TMPRSS2: variants seen among roughly 807,000 people sequenced by gnomAD.
TMPRSS2 encodes transmembrane serine protease 2.
A neutral mutation model predicts 67.4 loss-of-function variants in TMPRSS2; 59 were observed. The observed-to-expected ratio is 0.88, with a 90% CI of 0.71 to 1.09. TMPRSS2 has a LOEUF of 1.09. TMPRSS2 is among the 50% of genes least tolerant of loss of function. The probability of loss-of-function intolerance (pLI) is 0.00; values close to 1 mark genes in which losing one functional copy is unlikely to be tolerated. For synonymous variants in TMPRSS2, 257 were observed against 257.0 expected (o/e 1.00, Z 0.00); for missense variants, 668 against 642.7 (o/e 1.04, Z -0.43).
chr21:41,469,706 G>T (rs2146423327), intron 11 of TMPRSS2, among the ~76,000 whole-genome samples: 1 of 152,178 alleles, frequency 6.6e-6, no homozygotes, highest in South Asian at 2.1e-4. Flanking sequence ...TCGCTCAGTT[G>T]TTTGTCTCCC....
chr21:41,466,272 C>G, intron 13 of TMPRSS2, 119 bp from the exon 14 acceptor site: 1 of 925,908 alleles, frequency 1.1e-6, no homozygotes, highest in Non-Finnish European at 1.7e-6. Context: ...AGCTTAATAG[C>G]ACAAAGGGAT....
At chr21:41,483,334 A>G (rs2146457315) in intron 5 of TMPRSS2, among the ~76,000 whole-genome samples, 1 of 151,392 alleles carries the variant, frequency 6.6e-6, no homozygotes, top group Non-Finnish European at 1.5e-5. Context: ...CCCAGGCTGG[A>G]GTGCAATGGC....
At position 41,480,552 on chromosome 21, in the gene TMPRSS2, TC is replaced by T; in HGVS notation, c.495del (p.Lys166SerfsTer35). ...NFILQVYSSQ[R>X]KSWHPVCQDD... ...TCTTGGCACACAGGGTGCCAGGACT[TC>T]CTCTGAGATGAGTACACCTGAAGGA... On this transcript the variant is annotated frameshift_variant, in exon 6 of 14. Coordinates refer to ENST00000332149, the MANE Select transcript of TMPRSS2 (RefSeq NM_005656.4). LOFTEE classifies it high-confidence loss of function. The T allele has an allele frequency of 1.2e-6, 2 of 1,613,874 alleles. No homozygotes were observed. The highest frequency in any genetic ancestry group is 2.2e-5 in the South Asian group (2 of 91,090).
intron 10 of TMPRSS2, among the ~76,000 whole-genome samples, chr21:41,471,061 G>A (rs9305744): frequency 0.28 from 43,141 of 152,204 alleles, 6,716 homozygotes; most frequent in East Asian, 0.41. Flanking sequence ...CAGCCAAAAA[G>A]CCGATGGAGT....
rs948441082 is a variant in TMPRSS2 at position 41,494,221 on chromosome 21, T to C, written c.238+135A>G. The C allele has an allele frequency of 3.2e-6, 3 of 942,084 alleles. No homozygotes were observed. In the Admixed American group the frequency reaches 8.4e-5, roughly 26 times the overall value. The allele number at this position is 942,084 out of a possible 1,614,324, so 58.4% of individuals were successfully genotyped here. On this transcript the variant is annotated intron_variant, in intron 3 of 13. Coordinates refer to ENST00000332149, the MANE Select transcript of TMPRSS2 (RefSeq NM_005656.4). ...AGAGTGGAAAGGCATGAAGACAGGC[T>C]GGCTCCGGAAGACGGAGGAGAAGGG...
intron 5 of TMPRSS2, among the ~76,000 whole-genome samples, chr21:41,484,978 T>C (rs1375822329): frequency 6.6e-6 from 1 of 152,112 alleles, no homozygotes; most frequent in African/African-American, 2.4e-5. Context: ...GAAATACCTG[T>C]GCTTCTTTAT....
chr21:41,505,322 G>T (rs2091450301), intron 1 of TMPRSS2, among the ~76,000 whole-genome samples: 1 of 152,188 alleles, frequency 6.6e-6, no homozygotes, highest in Admixed American at 6.5e-5. Flanking sequence ...ATATTATTAC[G>T]AAGATCCCCT....
intron 11 of TMPRSS2, among the ~76,000 whole-genome samples, chr21:41,469,291 A>T (rs138064996): frequency 2.1e-5 from 3 of 142,404 alleles, no homozygotes; most frequent in African/African-American, 7.7e-5. Flanking sequence ...GTGTACCCTC[A>T]TCTCTTCACA....
At chr21:41,495,126 T>C (rs1392629460) in intron 2 of TMPRSS2, among the ~76,000 whole-genome samples, 2 of 151,900 alleles carry the variant, frequency 1.3e-5, no homozygotes, top group Non-Finnish European at 2.9e-5. Context: ...CCTAGGTGTC[T>C]ACAACTATGT....
At chr21:41,473,811 C>T (rs1034087952) in intron 8 of TMPRSS2, among the ~76,000 whole-genome samples, 3 of 149,562 alleles carry the variant, frequency 2.0e-5, no homozygotes, top group Non-Finnish European at 4.4e-5. Context: ...TGACACCACT[C>T]AGGGACCCCA....
At chr21:41,469,443 C>T (rs185416185) in intron 11 of TMPRSS2, among the ~76,000 whole-genome samples, 244 of 152,238 alleles carry the variant, frequency 1.6e-3, no homozygotes, top group Middle Eastern at 3.4e-3. Flanking sequence ...GGCTCACGAT[C>T]TCCCCACCTC....
intron 6 of TMPRSS2, among the ~76,000 whole-genome samples, chr21:41,480,130 G>T (rs2091245392): frequency 6.6e-6 from 1 of 152,164 alleles, no homozygotes; most frequent in Admixed American, 6.5e-5. Flanking sequence ...TCTACCCAGG[G>T]AGGTGAATGG....
intron 5 of TMPRSS2, among the ~76,000 whole-genome samples, chr21:41,482,073 A>C (rs2146455239): frequency 6.6e-6 from 1 of 152,264 alleles, no homozygotes; most frequent in Non-Finnish European, 1.5e-5. Flanking sequence ...TAAATAAATA[A>C]ATAAATAATA....
At position 41,480,207 on chromosome 21, in the gene TMPRSS2, T is replaced by C. The variant is rs139181746; in HGVS notation, c.572+269A>G. Among the ~76,000 whole-genome samples the C allele has an allele frequency of 3.3e-5, 5 of 152,220 alleles. No individual in the cohort carries two copies. In the South Asian group the frequency reaches 8.3e-4, roughly 25 times the overall value. On this transcript the variant is annotated intron_variant, in intron 6 of 13. Coordinates refer to ENST00000332149, the MANE Select transcript of TMPRSS2 (RefSeq NM_005656.4). ...CCCTCAGCCTACCCCTCTGACCAGA[T>C]GACCACAGCACTGGGCACTCCCGAG...
At chr21:41,491,191 T>C (rs2091333413) in intron 3 of TMPRSS2, among the ~76,000 whole-genome samples, 1 of 146,348 alleles carries the variant, frequency 6.8e-6, no homozygotes, top group Non-Finnish European at 1.5e-5. Flanking sequence ...AGGGTCTTGC[T>C]TGTTGCCCGG....
chr21:41,497,453 T>TAG (rs1569026485), intron 2 of TMPRSS2, among the ~76,000 whole-genome samples: 1 of 152,188 alleles, frequency 6.6e-6, no homozygotes, highest in Non-Finnish European at 1.5e-5. Flanking sequence ...TGCCATCCAC[T>TAG]AGCAAGCAGG....
intron 3 of TMPRSS2, 86 bp downstream of exon 3, chr21:41,494,270 G>T: frequency 1.4e-6 from 2 of 1,402,120 alleles, no homozygotes; most frequent in Non-Finnish European, 2.0e-6. Flanking sequence ...GGTGGCGACA[G>T]TGGTGTTGGG....
intron 5 of TMPRSS2, among the ~76,000 whole-genome samples, chr21:41,483,952 A>C (rs897300907): frequency 4.6e-5 from 7 of 152,052 alleles, no homozygotes; most frequent in Non-Finnish European, 8.8e-5. Context: ...TCCACCAAAA[A>C]ATATAAATAT....
intron 3 of TMPRSS2, among the ~76,000 whole-genome samples, chr21:41,490,979 C>A (rs1402266561): frequency 6.6e-6 from 1 of 152,194 alleles, no homozygotes; most frequent in Non-Finnish European, 1.5e-5. Flanking sequence ...AAGCTCAGAG[C>A]TGACCCATCT....
Sources: gnomAD v4.1 joint callset for allele counts (sites outside exome capture counted in the v4.1 genomes callset) on GRCh38, gnomAD v4.1.1 for gene constraint, MANE v1.5 for transcripts, NCBI Gene and HGNC (gene_info 2026-07-23, HGNC 2026-07-21) for gene names.